The following TPRG1 variants were observed in gnomAD, a reference collection of about 807,000 sequenced individuals.
The protein encoded by TPRG1 is tumor protein p63 regulated 1.
Under a neutral mutation model 29.3 loss-of-function variants are expected in TPRG1, and 29 were observed. The observed-to-expected ratio is 0.99, with a 90% CI of 0.74 to 1.35. TPRG1 has a LOEUF of 1.35. Ranked by LOEUF, TPRG1 falls within the 40% of genes most tolerant of loss-of-function variation. The pLI, the probability that TPRG1 is intolerant of heterozygous loss-of-function variation, is 0.00. For synonymous variants in TPRG1, 130 were observed against 116.8 expected (o/e 1.11, Z -0.73); for missense variants, 327 against 335.0 (o/e 0.98, Z 0.19).
At chr3:189,139,374 T>C (rs1051770328) in intron 3 of TPRG1, among the ~76,000 whole-genome samples, 2 of 152,110 alleles carry the variant, frequency 1.3e-5, no homozygotes, top group Non-Finnish European at 2.9e-5. Context: ...GCCAGGATCC[T>C]AGGGAAGCTC....
chr3:189,283,033 A>G lies in TPRG1; in HGVS notation c.480-27353A>G, dbSNP rs904317316. Among the ~76,000 whole-genome samples, 38 of 152,148 alleles carry G rather than the reference A, an allele frequency of 2.5e-4. 1 individual carries two copies. Among genetic ancestry groups the G allele is most frequent in the African/African-American group, 8.9e-4 (37 of 41,428 alleles). ...GGAATTTTGTGGTTCTTTTTTTATT[A>G]TCATTACCGAGTAAACCATTCATAT... On this transcript the variant is annotated intron_variant, in intron 4 of 5. Transcript: ENST00000345063.
intron 5 of TPRG1, 25 bp downstream of exon 5, chr3:189,310,564 C>T (rs1722321244): frequency 1.9e-6 from 3 of 1,583,232 alleles, no homozygotes; most frequent in Non-Finnish European, 2.6e-6. Flanking sequence ...GGGTATTACT[C>T]TCAGATTAGC....
intron 3 of TPRG1, among the ~76,000 whole-genome samples, chr3:189,142,605 G>T (rs1402336856): frequency 6.6e-6 from 1 of 152,150 alleles, no homozygotes; most frequent in Non-Finnish European, 1.5e-5. Flanking sequence ...TGAGTGAGGG[G>T]TCAGCAGCTT....
At chr3:189,264,410 TTGG>T (rs1713681360) in intron 4 of TPRG1, among the ~76,000 whole-genome samples, 2 of 152,264 alleles carry the variant, frequency 1.3e-5, no homozygotes, top group South Asian at 4.1e-4. Flanking sequence ...TAGACCAAAG[TTGG>T]TGTTTGATCT....
chr3:189,092,501 G>A lies in TPRG1; in HGVS notation c.-462-34556G>A, dbSNP rs1246063972. Among the ~76,000 whole-genome samples the A allele has an allele frequency of 2.1e-5, 3 of 142,470 alleles. No individual in the cohort carries two copies. The East Asian group carries it at 6.2e-4, about 29-fold the overall frequency. 93.5% of individuals were successfully genotyped at this position (142,470 alleles called of 152,430 possible). On this transcript the variant is annotated intron_variant, in intron 4 of 10. Transcript: ENST00000433971. ...CTGTTTTCTTGAGATAGCGATACTTGTATTTCTTAGGTCTGTGGCTTCTCG... is the reference window on the plus strand; with the variant it reads ...CTGTTTTCTTGAGATAGCGATACTTATATTTCTTAGGTCTGTGGCTTCTCG...
chr3:189,149,102 C>T (rs1392691209), intron 4 of TPRG1, among the ~76,000 whole-genome samples: 2 of 152,176 alleles, frequency 1.3e-5, no homozygotes, highest in Non-Finnish European at 2.9e-5. Flanking sequence ...GCGCTGTTCT[C>T]AAGATTCCAT....
chr3:189,014,166 G>A, intron 3 of TPRG1, among the ~76,000 whole-genome samples: 1 of 152,150 alleles, frequency 6.6e-6, no homozygotes, highest in Admixed American at 6.6e-5. Flanking sequence ...CATATTTAGT[G>A]TTTCTTTCAG....
At chr3:189,235,198 G>A (rs1048355984) in intron 3 of TPRG1, among the ~76,000 whole-genome samples, 1 of 149,984 alleles carries the variant, frequency 6.7e-6, no homozygotes, top group South Asian at 2.1e-4. Flanking sequence ...CCAGGGTAGG[G>A]CGGTAAAGAT....
chr3:189,193,655 T>A (rs1732082757), intron 1 of TPRG1, among the ~76,000 whole-genome samples: 1 of 151,474 alleles, frequency 6.6e-6, no homozygotes, highest in Non-Finnish European at 1.5e-5. Context: ...AAATTACCTA[T>A]CTTCAAATTC....
chr3:189,010,222 C>T (rs1205669724), intron 3 of TPRG1, among the ~76,000 whole-genome samples: 1 of 152,070 alleles, frequency 6.6e-6, no homozygotes, highest in African/African-American at 2.4e-5. Context: ...GATTCCATGT[C>T]TTTGCTGTTG....
At chr3:189,160,597 C>T (rs1271750246) in intron 5 of TPRG1, among the ~76,000 whole-genome samples, 1 of 152,174 alleles carries the variant, frequency 6.6e-6, no homozygotes, top group African/African-American at 2.4e-5. Flanking sequence ...CTCTCTCATC[C>T]TCCCCAACCC....
intron 1 of TPRG1, among the ~76,000 whole-genome samples, chr3:189,102,803 T>G (rs1719359825): frequency 6.6e-6 from 1 of 152,216 alleles, no homozygotes; most frequent in Non-Finnish European, 1.5e-5. Flanking sequence ...CTTCATCATG[T>G]TAATATTTCT....
intron 1 of TPRG1, among the ~76,000 whole-genome samples, chr3:189,109,264 T>A (rs550037619): frequency 3.2e-4 from 49 of 152,222 alleles, no homozygotes; most frequent in African/African-American, 1.2e-3. Context: ...TGATGGACCA[T>A]CAGCAAGATC....
At chr3:189,289,782 G>T (rs1265354653) in intron 4 of TPRG1, among the ~76,000 whole-genome samples, 3 of 152,050 alleles carry the variant, frequency 2.0e-5, no homozygotes, top group Non-Finnish European at 4.4e-5. Flanking sequence ...ATACCATGCT[G>T]ATCAACCTAT....
intron 5 of TPRG1, among the ~76,000 whole-genome samples, chr3:189,153,669 C>T (rs1345786034): frequency 6.6e-6 from 1 of 152,188 alleles, no homozygotes; most frequent in Non-Finnish European, 1.5e-5. Context: ...GGGTATCCAG[C>T]TGGCAAATGG....
intron 3 of TPRG1, among the ~76,000 whole-genome samples, chr3:189,137,927 A>G (rs974994097): frequency 2.0e-5 from 3 of 152,186 alleles, no homozygotes; most frequent in African/African-American, 7.2e-5. Context: ...AAGCTGGAAG[A>G]TGTAGCCTTA....
chr3:189,115,598 A>G (rs1393321882), intron 1 of TPRG1, among the ~76,000 whole-genome samples: 2 of 152,232 alleles, frequency 1.3e-5, no homozygotes, highest in African/African-American at 4.8e-5. Flanking sequence ...CTTACACAAT[A>G]TATTCTGCCA....
chr3:189,220,191 T>A (rs568962775), intron 3 of TPRG1, among the ~76,000 whole-genome samples: 2 of 152,308 alleles, frequency 1.3e-5, no homozygotes, highest in African/African-American at 4.8e-5. Flanking sequence ...GTTTTTCCTC[T>A]GTTGTGCAAA....
In TPRG1 at chr3:189,287,037, A is replaced by C. The variant is rs745309568; in HGVS notation, c.480-23349A>C. Among the ~76,000 whole-genome samples, 35 of 152,226 alleles carry C rather than the reference A, an allele frequency of 2.3e-4. 1 individual carries two copies. Among genetic ancestry groups the C allele is most frequent in the Non-Finnish European group, 3.7e-4 (25 of 67,992 alleles). ...TCAGGATTGATGGCTCACGGAGGGC[A>C]GCAGGGCCTCACCCTCCTTTTGTCT... is the stretch of plus-strand genomic sequence containing the variant. On this transcript the variant is annotated intron_variant, in intron 4 of 5. Coordinates refer to ENST00000345063, the MANE Select transcript of TPRG1 (RefSeq NM_198485.4).
Sources: gnomAD v4.1 joint callset for allele counts (sites outside exome capture counted in the v4.1 genomes callset) on GRCh38, gnomAD v4.1.1 for gene constraint, MANE v1.5 for transcripts, NCBI Gene and HGNC (gene_info 2026-07-23, HGNC 2026-07-21) for gene names.